Variants in LCORL observed in about 807,000 individuals in gnomAD.
LCORL encodes ligand dependent nuclear receptor corepressor like, also known as ligand-dependent nuclear receptor corepressor-like protein.
LCORL carries 41 observed loss-of-function variants against 141.8 expected under a neutral mutation model. The observed-to-expected ratio is 0.29, with a 90% CI of 0.23 to 0.38. LCORL has a LOEUF of 0.38. LCORL is among the 10% of genes least tolerant of loss of function. The pLI, the probability that LCORL is intolerant of heterozygous loss-of-function variation, is 1.00. For synonymous variants in LCORL, 618 were observed against 694.1 expected (o/e 0.89, Z 1.72); for missense variants, 1,759 against 2,035.0 (o/e 0.86, Z 2.61).
exon 7 of LCORL, chr4:17,875,424 T>C (rs1726816085): frequency 1.6e-6 from 2 of 1,231,292 alleles, no homozygotes; most frequent in South Asian, 4.1e-5. Flanking sequence ...GTCAATTTTG[T>C]CTTCACTAAT....
At position 18,021,213 on chromosome 4, in the gene LCORL, C is replaced by T. The variant is rs944237391; in HGVS notation, c.154+385G>A. ...CCGGCCGCCCTGCCCGCCGGCTCTC[C>T]TCCGCCAGGGCGCCGACCCACCGGG... On this transcript the variant is annotated intron_variant, in intron 1 of 7. Transcript: ENST00000635767. This position sits in a 1 kb window ranked among gnomAD's most constrained non-coding sequence, Gnocchi z 5.5. 1.7e-4 allele frequency among the ~76,000 whole-genome samples: 26 copies of T among 152,060 alleles called. No individual in the cohort carries two copies. The highest frequency in any genetic ancestry group is 2.6e-4 in the Non-Finnish European group (18 of 67,968).
intron 4 of LCORL, among the ~76,000 whole-genome samples, chr4:17,929,317 T>A (rs780118665): frequency 2.0e-5 from 3 of 152,144 alleles, no homozygotes; most frequent in Non-Finnish European, 4.4e-5. Context: ...GGACCCCGAA[T>A]AGCCAAAATA....
At chr4:17,947,594 A>G (rs929406028) in intron 4 of LCORL, among the ~76,000 whole-genome samples, 1 of 152,006 alleles carries the variant, frequency 6.6e-6, no homozygotes, top group African/African-American at 2.4e-5. Flanking sequence ...ATTTGAAGTG[A>G]TGGATGTATG....
exon 7 of LCORL, chr4:17,874,113 C>T (rs1726664176): frequency 4.5e-6 from 3 of 668,610 alleles, no homozygotes; most frequent in African/African-American, 2.6e-5. Context: ...TCTTAAGTTT[C>T]TCCTTTTAGA....
exon 7 of LCORL, chr4:17,876,973 C>T: frequency 8.1e-7 from 1 of 1,230,606 alleles, no homozygotes; most frequent in Non-Finnish European, 1.0e-6. Context: ...AAAGAAGGCC[C>T]TTGGTCATGA....
chr4:17,958,278 G>A (rs1159618106), intron 4 of LCORL, among the ~76,000 whole-genome samples: 1 of 151,118 alleles, frequency 6.6e-6, no homozygotes, highest in Admixed American at 6.6e-5. Context: ...AGCATGTGTG[G>A]GTATTAAAAA....
chr4:17,887,839 C>T (rs961591091), intron 5 of LCORL, among the ~76,000 whole-genome samples: 15 of 152,196 alleles, frequency 9.9e-5, no homozygotes, highest in South Asian at 2.1e-4. Context: ...TGCTATTTCT[C>T]GTTTCTGGGC....
chr4:17,877,578 G>C (rs932981137), exon 7 of LCORL: 2 of 1,230,410 alleles, frequency 1.6e-6, no homozygotes, highest in African/African-American at 3.1e-5. Context: ...GTTAATGTTT[G>C]CTTCAAGTTT....
exon 7 of LCORL, chr4:17,877,461 T>A: frequency 1.6e-6 from 2 of 1,229,140 alleles, no homozygotes; most frequent in Non-Finnish European, 2.0e-6. Context: ...ATTGCTGTCA[T>A]TTGAGAGTAA....
chr4:17,865,453 C>G (rs960626263), intron 7 of LCORL, among the ~76,000 whole-genome samples: 2 of 152,138 alleles, frequency 1.3e-5, no homozygotes, highest in African/African-American at 4.8e-5. Flanking sequence ...CTCAGCCTCC[C>G]AAAGTGTTGG....
chr4:17,890,251 T>A (rs1728886434), intron 5 of LCORL, among the ~76,000 whole-genome samples: 1 of 152,104 alleles, frequency 6.6e-6, no homozygotes, highest in Non-Finnish European at 1.5e-5. Flanking sequence ...ACACTTGGTG[T>A]TGCTGTGATT....
intron 1 of LCORL, among the ~76,000 whole-genome samples, chr4:17,985,148 GTTC>G (rs1419317149): frequency 8.6e-5 from 13 of 151,888 alleles, no homozygotes; most frequent in Admixed American, 8.5e-4. Flanking sequence ...TATGATTTTG[GTTC>G]TTCTGCATTT....
chr4:18,005,689 G>C (rs1722678148), intron 1 of LCORL, among the ~76,000 whole-genome samples: 1 of 152,174 alleles, frequency 6.6e-6, no homozygotes, highest in African/African-American at 2.4e-5. Context: ...AGCTGCAAAG[G>C]CTTGGGGCTT....
intron 6 of LCORL, chr4:17,882,341 A>G: frequency 4.1e-6 from 4 of 984,648 alleles, no homozygotes; most frequent in Non-Finnish European, 4.8e-6. Context: ...AATTTTGAAT[A>G]CATAAAGCAA....
exon 7 of LCORL, chr4:17,873,409 T>C: frequency 8.1e-7 from 1 of 1,233,736 alleles, no homozygotes. Flanking sequence ...GAAAAATAGT[T>C]TGCCATTTGT....
intron 1 of LCORL, among the ~76,000 whole-genome samples, chr4:18,018,707 G>A (rs1725018849): frequency 6.6e-6 from 1 of 151,990 alleles, no homozygotes; most frequent in Non-Finnish European, 1.5e-5. Flanking sequence ...TCTCATTAGG[G>A]GCTCAATACT....
chr4:17,853,559 T>C lies in LCORL; in HGVS notation c.5603-7658A>G, dbSNP rs115762465. ...TCTTTTCAAAGGGAGAAGTCAGCTG[T>C]ATCACAGATAAACTGGGCTCTGGTA... On this transcript the variant is annotated intron_variant, in intron 7 of 7. Coordinates refer to ENST00000635767, the Ensembl canonical transcript of LCORL. 7.3e-3 allele frequency among the ~76,000 whole-genome samples: 1,112 copies of C among 152,274 alleles called. 10 individuals carry two copies. Among genetic ancestry groups the C allele is most frequent in the South Asian group, 0.014 (69 of 4,826 alleles).
chr4:17,867,281 C>T (rs1246860285), intron 7 of LCORL, among the ~76,000 whole-genome samples: 7 of 151,892 alleles, frequency 4.6e-5, no homozygotes, highest in Non-Finnish European at 8.8e-5. Flanking sequence ...TTATTTTTTT[C>T]AAGCCACACC....
At chr4:17,936,031 T>C (rs1482493360) in intron 4 of LCORL, among the ~76,000 whole-genome samples, 1 of 152,152 alleles carries the variant, frequency 6.6e-6, no homozygotes, top group African/African-American at 2.4e-5. Context: ...AAGAGTAAAC[T>C]ATTCACCTAT....
Sources: allele counts gnomAD v4.1 joint callset (sites outside exome capture counted in the v4.1 genomes callset), GRCh38; gene constraint gnomAD v4.1.1; non-coding constraint Gnocchi (gnomAD v3.1); transcripts MANE v1.5; gene names NCBI Gene and HGNC (gene_info 2026-07-23, HGNC 2026-07-21).